NFATC1: variants seen among roughly 807,000 people sequenced by gnomAD.
NFATC1 encodes nuclear factor of activated T-cells, cytoplasmic 1.
A neutral mutation model predicts 76.0 loss-of-function variants in NFATC1; 22 were observed. That is an observed-to-expected ratio of 0.29 (90% CI 0.21 to 0.41). The LOEUF is 0.41. Ranked by LOEUF, NFATC1 falls within the 10% of genes least tolerant of loss-of-function variation. NFATC1 has a pLI of 1.00. For synonymous variants in NFATC1, 704 were observed against 613.1 expected (o/e 1.15, Z -2.19); for missense variants, 1,357 against 1,337.7 (o/e 1.01, Z -0.23).
chr18:79,398,140 T>A (rs924300187), intron 1 of NFATC1, among the ~76,000 whole-genome samples: 2 of 152,210 alleles, frequency 1.3e-5, no homozygotes, highest in African/African-American at 4.8e-5. Flanking sequence ...CGGGACCATC[T>A]GGGTGGAAGC....
chr18:79,486,153 C>T, intron 8 of NFATC1, 95 bp from the exon 9 acceptor site: 2 of 1,104,788 alleles, frequency 1.8e-6, no homozygotes, highest in Admixed American at 2.1e-5. Flanking sequence ...AGTCAGGGCC[C>T]TGTTGGTTTT....
At chr18:79,474,731 C>T (rs988292049) in intron 8 of NFATC1, among the ~76,000 whole-genome samples, 4 of 149,492 alleles carry the variant, frequency 2.7e-5, no homozygotes, top group Non-Finnish European at 5.9e-5. Flanking sequence ...CGCTCACTGT[C>T]GACATTGTAA....
intron 2 of NFATC1, among the ~76,000 whole-genome samples, chr18:79,414,851 C>G (rs936901547): frequency 6.6e-6 from 1 of 152,208 alleles, no homozygotes; most frequent in Non-Finnish European, 1.5e-5. Flanking sequence ...GAGGGTGCAA[C>G]AGGAGGCGTT....
rs573180042 is a variant in NFATC1 at position 79,458,254 on chromosome 18, C to T, written c.1904-3057C>T. ...GGGGATGGATGAGACGCCCCAGGGA[C>T]GCTCGCTTCTGGGCATGAGGATGCT... On this transcript the variant is annotated intron_variant, in intron 6 of 9. Transcript: ENST00000427363. 9.2e-5 allele frequency among the ~76,000 whole-genome samples: 14 copies of T among 151,752 alleles called. No individual in the cohort carries two copies. The South Asian group carries it at 1.7e-3, about 18-fold the overall frequency.
Position 79,451,756 on chromosome 18 carries a change from G to C in NFATC1, c.1843G>C (p.Val615Leu). The C allele has an allele frequency of 2.5e-6, 4 of 1,613,306 alleles. No homozygotes were observed. Among genetic ancestry groups the C allele is most frequent in the Non-Finnish European group, 2.5e-6 (3 of 1,179,722 alleles). ...TCCGGTCGTGGGCGGGAAGAAGATG[G>C]TCCTGTCTGGCCACAACTTCCTGCA... ...SYPVVGGKKM[V>L]LSGHNFLQDS... The change falls in exon 6 of 10, where the codon GTC (valine) becomes CTC (leucine). Residue 615 changes from valine to leucine, a missense_variant. Coordinates refer to ENST00000427363, the MANE Select transcript of NFATC1 (RefSeq NM_001278669.2).
intron 1 of NFATC1, among the ~76,000 whole-genome samples, chr18:79,408,630 T>A (rs533561754): frequency 1.3e-5 from 2 of 152,358 alleles, no homozygotes; most frequent in South Asian, 4.1e-4. Context: ...GGAGTTTTCT[T>A]TGTAGCTGGT....
chr18:79,504,387 A>G (rs2090078763), intron 9 of NFATC1, among the ~76,000 whole-genome samples: 2 of 152,174 alleles, frequency 1.3e-5, no homozygotes, highest in Admixed American at 1.3e-4. Flanking sequence ...GGGAATAGGG[A>G]GGCCTGAGCC....
intron 2 of NFATC1, among the ~76,000 whole-genome samples, chr18:79,428,964 T>C (rs1484056031): frequency 6.6e-6 from 1 of 152,268 alleles, no homozygotes; most frequent in Non-Finnish European, 1.5e-5. Flanking sequence ...CTCACGCCTG[T>C]AATCCCAGCA....
At chr18:79,476,656 C>T (rs2089084942) in intron 8 of NFATC1, among the ~76,000 whole-genome samples, 1 of 152,162 alleles carries the variant, frequency 6.6e-6, no homozygotes, top group Non-Finnish European at 1.5e-5. Flanking sequence ...TCGGGGTCGA[C>T]GTGATAAACC....
At chr18:79,430,786 T>G (rs1028301667) in intron 2 of NFATC1, among the ~76,000 whole-genome samples, 1 of 151,648 alleles carries the variant, frequency 6.6e-6, no homozygotes, top group African/African-American at 2.4e-5. Flanking sequence ...CTTTGTTTGG[T>G]GCCTGCCTGT....
intron 8 of NFATC1, among the ~76,000 whole-genome samples, chr18:79,480,851 T>C (rs1198397789): frequency 6.6e-6 from 1 of 152,232 alleles, no homozygotes; most frequent in Non-Finnish European, 1.5e-5. Flanking sequence ...CCCCCATGCC[T>C]GGCCATGTTT....
At chr18:79,464,192 C>T (rs9958919) in intron 7 of NFATC1, among the ~76,000 whole-genome samples, 47,148 of 151,972 alleles carry the variant, frequency 0.31, 7,339 homozygotes, top group East Asian at 0.37. Flanking sequence ...CAGGTTCAAG[C>T]GATTCTCATG....
At chr18:79,468,593 GT>G (rs1421966829) in intron 8 of NFATC1, 1 of 152,234 alleles carries the variant, frequency 6.6e-6, no homozygotes, top group Non-Finnish European at 1.5e-5. Context: ...AAATCAGGGT[GT>G]TTTGGAAGGT....
chr18:79,499,335 A>G (rs1282630761), intron 9 of NFATC1, among the ~76,000 whole-genome samples: 2 of 127,122 alleles, frequency 1.6e-5, no homozygotes, highest in Non-Finnish European at 3.7e-5. Context: ...AAGAAAATAT[A>G]TATGTGTGTG....
chr18:79,491,879 C>T (rs538607360), intron 9 of NFATC1, among the ~76,000 whole-genome samples: 1 of 152,290 alleles, frequency 6.6e-6, no homozygotes, highest in East Asian at 1.9e-4. Context: ...TTCCCTCCGC[C>T]TGACCAGAAT....
At chr18:79,515,793 A>G (rs1031005079) in intron 9 of NFATC1, 1 of 152,012 alleles carries the variant, frequency 6.6e-6, no homozygotes, top group African/African-American at 2.4e-5. Flanking sequence ...TATCTTTATT[A>G]AAAGGAGCTT....
intron 9 of NFATC1, among the ~76,000 whole-genome samples, chr18:79,498,879 G>A (rs993063026): frequency 2.6e-5 from 4 of 152,198 alleles, no homozygotes; most frequent in African/African-American, 9.7e-5. Flanking sequence ...TCAAAATGCT[G>A]AAAGAAAACC....
chr18:79,469,575 T>A (rs913375403), intron 8 of NFATC1: 14 of 985,278 alleles, frequency 1.4e-5, no homozygotes, highest in African/African-American at 1.8e-5. Flanking sequence ...CCGGCTCCCC[T>A]CTCAGCATTG....
At chr18:79,491,841 C>A (rs1316043540) in intron 9 of NFATC1, among the ~76,000 whole-genome samples, 1 of 152,052 alleles carries the variant, frequency 6.6e-6, no homozygotes, top group Non-Finnish European at 1.5e-5. Flanking sequence ...AGCCCCGGCC[C>A]CTGGGCACCC....
Sources: allele counts gnomAD v4.1 joint callset (sites outside exome capture counted in the v4.1 genomes callset), GRCh38; gene constraint gnomAD v4.1.1; transcripts MANE v1.5; gene names NCBI Gene and HGNC (gene_info 2026-07-23, HGNC 2026-07-21).